TLN2: variants seen among roughly 807,000 people sequenced by gnomAD.
TLN2 encodes the protein talin 2.
TLN2 carries 118 observed loss-of-function variants against 294.7 expected under a neutral mutation model. That is an observed-to-expected ratio of 0.40 (90% CI 0.34 to 0.47). The LOEUF (loss-of-function observed/expected upper bound fraction) is 0.47, where lower values mean the gene tolerates loss of function less well. Among genes scored for constraint, TLN2 ranks in the 20% least tolerant of loss-of-function variants. The pLI is 0.84. For synonymous variants in TLN2, 1,431 were observed against 1,304.5 expected (o/e 1.10, Z -2.09); for missense variants, 3,083 against 3,282.2 (o/e 0.94, Z 1.48).
chr15:62,640,812 A>T (rs899432713), intron 3 of TLN2, among the ~76,000 whole-genome samples: 2 of 151,830 alleles, frequency 1.3e-5, no homozygotes, highest in Non-Finnish European at 1.5e-5. Flanking sequence ...TTATTTATTT[A>T]TTTTTTTGAG....
intron 51 of TLN2, among the ~76,000 whole-genome samples, chr15:62,809,136 A>AG (rs1342009785): frequency 1.3e-4 from 20 of 152,318 alleles, no homozygotes; most frequent in African/African-American, 4.6e-4. Flanking sequence ...AAAAAATAAA[A>AG]AATAGGATGT....
chr15:62,697,584 CT>C, intron 14 of TLN2, 103 bp from the exon 15 acceptor site: 1 of 1,330,296 alleles, frequency 7.5e-7, no homozygotes, highest in Non-Finnish European at 1.0e-6. Flanking sequence ...TTTAGTTGGC[CT>C]TCACAGCATA....
At chr15:62,682,565 A>G (rs188013307) in intron 11 of TLN2, among the ~76,000 whole-genome samples, 2 of 152,306 alleles carry the variant, frequency 1.3e-5, no homozygotes, top group African/African-American at 4.8e-5. Flanking sequence ...TTTCATCTCT[A>G]AGCTTCAGTT....
chr15:62,742,243 T>C (rs1284657695), intron 32 of TLN2, among the ~76,000 whole-genome samples: 1 of 152,108 alleles, frequency 6.6e-6, no homozygotes, highest in Non-Finnish European at 1.5e-5. Context: ...ATAAGTGACC[T>C]CCCTTGATGG....
At chr15:62,743,759 C>T (rs139713692) in intron 32 of TLN2, among the ~76,000 whole-genome samples, 1 of 152,286 alleles carries the variant, frequency 6.6e-6, no homozygotes, top group East Asian at 1.9e-4. Flanking sequence ...TTCCCTGAAT[C>T]ACTGCTCACC....
intron 11 of TLN2, among the ~76,000 whole-genome samples, chr15:62,685,364 A>G (rs1334910620): frequency 3.9e-5 from 6 of 152,244 alleles, no homozygotes; most frequent in African/African-American, 1.2e-4. Context: ...ATCTACAGCC[A>G]TACCACCCTG....
At chr15:62,416,735 G>C (rs374677861) in intron 1 of TLN2, among the ~76,000 whole-genome samples, 19 of 152,210 alleles carry the variant, frequency 1.2e-4, no homozygotes, top group African/African-American at 3.9e-4. Context: ...CCTTTGCCCA[G>C]AGGAGGGTGG....
At chr15:62,468,135 A>T (rs1177276314) in intron 1 of TLN2, among the ~76,000 whole-genome samples, 1 of 152,078 alleles carries the variant, frequency 6.6e-6, no homozygotes, top group Non-Finnish European at 1.5e-5. Context: ...ATAAATTTTT[A>T]AATTTAATTT....
chr15:62,587,560 G>A (rs1288561807), intron 1 of TLN2, among the ~76,000 whole-genome samples: 3 of 152,136 alleles, frequency 2.0e-5, no homozygotes, highest in Non-Finnish European at 4.4e-5. Flanking sequence ...TGTTTTCAAT[G>A]TCTATGTGGT....
intron 3 of TLN2, among the ~76,000 whole-genome samples, chr15:62,625,368 G>T (rs967609133): frequency 6.6e-6 from 1 of 152,134 alleles, no homozygotes; most frequent in South Asian, 2.1e-4. Flanking sequence ...GGTATGGTTG[G>T]GCTCTGCTGG....
intron 1 of TLN2, among the ~76,000 whole-genome samples, chr15:62,431,169 C>T (rs2034990819): frequency 6.6e-6 from 1 of 152,164 alleles, no homozygotes; most frequent in South Asian, 2.1e-4. Context: ...GCAGAGGACT[C>T]TGCCTACCAT....
intron 11 of TLN2, among the ~76,000 whole-genome samples, chr15:62,677,844 A>G (rs577521824): frequency 8.5e-5 from 9 of 105,682 alleles, no homozygotes; most frequent in Non-Finnish European, 1.4e-4. Context: ...CACCCAGGCT[A>G]GAGAGCAATG....
chr15:62,840,153 AACAGGGCATGCTTC>A (rs2070457871), intron 58 of TLN2, among the ~76,000 whole-genome samples: 1 of 152,162 alleles, frequency 6.6e-6, no homozygotes, highest in South Asian at 2.1e-4. Flanking sequence ...CAAGACTTTC[AACAGGGCATGCTTC>A]ACAGGGCAGC....
intron 1 of TLN2, among the ~76,000 whole-genome samples, chr15:62,543,091 A>G (rs771140452): frequency 6.6e-6 from 1 of 152,120 alleles, no homozygotes; most frequent in African/African-American, 2.4e-5. Context: ...CCATCCACAG[A>G]TGGCCACTAC....
At chr15:62,673,931 C>T (rs767125926) in intron 10 of TLN2, 41 bp downstream of exon 10, 22 of 1,532,756 alleles carry the variant, frequency 1.4e-5, no homozygotes, top group Non-Finnish European at 1.9e-5. Flanking sequence ...TCCTCACTCC[C>T]CATCCTCATT....
intron 58 of TLN2, 59 bp from the exon 59 acceptor site, chr15:62,840,405 CTCACATGAGCAGTGGGGT>C (rs1316721499): frequency 6.4e-7 from 1 of 1,570,744 alleles, no homozygotes; most frequent in Admixed American, 1.8e-5. Flanking sequence ...AGCCGTGGAG[CTCACATGAGCAGTGGGGT>C]GGGTCGGAGG....
intron 28 of TLN2, among the ~76,000 whole-genome samples, chr15:62,732,861 G>C (rs1178509355): frequency 2.0e-5 from 3 of 152,176 alleles, no homozygotes; most frequent in Non-Finnish European, 4.4e-5. Flanking sequence ...CCATTGGTAG[G>C]AGCAGGGGAG....
chr15:62,417,064 T>C (rs1327858410), intron 1 of TLN2, among the ~76,000 whole-genome samples: 1 of 152,148 alleles, frequency 6.6e-6, no homozygotes, highest in East Asian at 1.9e-4. Context: ...CTTTTGGAGT[T>C]GACGTTGGGG....
intron 12 of TLN2, among the ~76,000 whole-genome samples, chr15:62,691,065 G>A (rs1265966411): frequency 1.4e-5 from 2 of 145,682 alleles, no homozygotes; most frequent in Non-Finnish European, 3.0e-5. Context: ...GGAGGGGAGG[G>A]GGAGGGGTAT....
Sources: allele counts gnomAD v4.1 joint callset (sites outside exome capture counted in the v4.1 genomes callset), GRCh38; gene constraint gnomAD v4.1.1; transcripts MANE v1.5; gene names NCBI Gene and HGNC (gene_info 2026-07-23, HGNC 2026-07-21).